Variants in CUX1 observed in about 807,000 individuals in gnomAD.
CUX1 encodes cut like homeobox 1.
CUX1 carries 31 observed loss-of-function variants against 158.8 expected under a neutral mutation model. That is an observed-to-expected ratio of 0.20 (90% CI 0.15 to 0.26). The LOEUF is 0.26. Ranked by LOEUF, CUX1 falls within the 10% of genes least tolerant of loss-of-function variation. The pLI, the probability that CUX1 is intolerant of heterozygous loss-of-function variation, is 1.00. For missense variants in CUX1, 1,589 were observed against 2,014.6 expected (o/e 0.79, Z 4.04); for synonymous variants, 879 against 862.1 (o/e 1.02, Z -0.34).
In CUX1 at chr7:102,201,155, G is replaced by A. The variant is rs1383555151; in HGVS notation, c.2063-205G>A. Among the ~76,000 whole-genome samples, 1 of 151,754 alleles carries A rather than the reference G, an allele frequency of 6.6e-6. No individual in the cohort carries two copies. The highest frequency in any genetic ancestry group is 2.4e-5 in the African/African-American group (1 of 41,244). On this transcript the variant is annotated intron_variant, in intron 17 of 23. Coordinates refer to ENST00000292535, the MANE Select transcript of CUX1 (RefSeq NM_181552.4). This position sits in a 1 kb window ranked among gnomAD's most constrained non-coding sequence, Gnocchi z 5.0. ...CTGTGTGTATACCAAAGGCCACCAG[G>A]TCATCAAGCTGTAGTGTCAGGCCCT...
At chr7:102,185,995 A>T (rs1450785431) in intron 11 of CUX1, among the ~76,000 whole-genome samples, 3 of 152,212 alleles carry the variant, frequency 2.0e-5, no homozygotes, top group Non-Finnish European at 4.4e-5. Context: ...CCACGCGGCC[A>T]GCGGTAGCGT....
At chr7:102,047,923 G>A (rs1441278371) in intron 3 of CUX1, among the ~76,000 whole-genome samples, 2 of 152,150 alleles carry the variant, frequency 1.3e-5, no homozygotes, top group Admixed American at 1.3e-4. Flanking sequence ...GGGAGCATAG[G>A]ATGCAGTTTG....
intron 2 of CUX1, among the ~76,000 whole-genome samples, chr7:101,972,708 C>G (rs1010842307): frequency 7.2e-5 from 11 of 152,190 alleles, no homozygotes; most frequent in African/African-American, 2.7e-4. Context: ...GGGAAGGACT[C>G]CGGCCCCAAT....
chr7:101,883,256 C>T (rs1301554641), intron 1 of CUX1, among the ~76,000 whole-genome samples: 1 of 152,220 alleles, frequency 6.6e-6, no homozygotes, highest in Non-Finnish European at 1.5e-5. Flanking sequence ...GTTCGTCACA[C>T]AGTCCGAATG....
At chr7:102,207,115 GGAATGTAAAT>G (rs1403171025) in intron 20 of CUX1, among the ~76,000 whole-genome samples, 3 of 152,126 alleles carry the variant, frequency 2.0e-5, no homozygotes, top group Admixed American at 6.6e-5. Context: ...GCTCCTAAGA[GGAATGTAAAT>G]GATATTTGTA....
At chr7:102,090,304 G>A (rs1029892014) in intron 4 of CUX1, among the ~76,000 whole-genome samples, 3 of 151,474 alleles carry the variant, frequency 2.0e-5, no homozygotes, top group Admixed American at 6.6e-5. Context: ...TATTCAGCTT[G>A]TACTAATTAT....
intron 6 of CUX1, 110 bp downstream of exon 6, chr7:102,104,569 C>T (rs782222022): frequency 4.2e-5 from 60 of 1,418,618 alleles, no homozygotes; most frequent in Admixed American, 6.2e-5. Flanking sequence ...GGTTGTAACC[C>T]CAAATCTATA....
intron 20 of CUX1, among the ~76,000 whole-genome samples, chr7:102,216,717 C>T (rs1430559592): frequency 2.7e-5 from 4 of 145,628 alleles, no homozygotes; most frequent in African/African-American, 1.0e-4. Context: ...ACTCTCCACA[C>T]ACACATGCAC....
chr7:102,020,594 T>C lies in CUX1; in HGVS notation c.142-7504T>C, dbSNP rs371330248. The stretch of plus-strand genomic sequence containing the variant: ...GCTACCAGGACCTTATAAAAAGACA[T>C]TGGGGTCAGGCGTGGTGGCTCACGC... On this transcript the variant is annotated intron_variant, in intron 2 of 23. Transcript: ENST00000292535. Among the ~76,000 whole-genome samples the C allele has an allele frequency of 2.0e-4, 31 of 152,244 alleles. 2 individuals are homozygous for C. The South Asian group carries it at 5.8e-3, about 29-fold the overall frequency.
chr7:102,039,528 A>C (rs1298906090), intron 3 of CUX1, among the ~76,000 whole-genome samples: 2 of 151,846 alleles, frequency 1.3e-5, no homozygotes, highest in Non-Finnish European at 2.9e-5. Flanking sequence ...GGTATCATAC[A>C]CCTGTAGTCC....
rs571465775 is a variant in CUX1, at chr7:102,021,707, A to T, written c.142-6391A>T. On this transcript the variant is annotated intron_variant, in intron 2 of 23. Transcript: ENST00000292535. ...TGAGTAGCTGGGATTATAGGCATGC[A>T]CCACCATGCCCACCTAATTTCGTAT... 4.9e-5 allele frequency among the ~76,000 whole-genome samples: 7 copies of T among 143,490 alleles called. No individual in the cohort carries two copies. In the South Asian group the frequency reaches 1.5e-3, roughly 31 times the overall value. The allele number at this position is 143,490 out of a possible 152,430, so 94.1% of individuals were successfully genotyped here. A position where few individuals can be genotyped will look rare whatever the true frequency, so the allele number is the denominator to read the frequency against.
intron 20 of CUX1, among the ~76,000 whole-genome samples, chr7:102,211,867 A>G (rs1381180729): frequency 1.3e-5 from 2 of 151,476 alleles, no homozygotes; most frequent in Non-Finnish European, 2.9e-5. Flanking sequence ...GAACCCTTCC[A>G]GAGGCAGGTG....
At chr7:102,234,276 C>A in intron 22 of CUX1, 36 bp downstream of exon 22, 1 of 1,468,396 alleles carries the variant, frequency 6.8e-7, no homozygotes, top group Non-Finnish European at 9.0e-7. Flanking sequence ...CGGCTGCGTC[C>A]GCATTCATAG....
chr7:102,102,076 A>G (rs1829838148), intron 5 of CUX1, among the ~76,000 whole-genome samples: 1 of 152,028 alleles, frequency 6.6e-6, no homozygotes, highest in Admixed American at 6.6e-5. Flanking sequence ...GGCTTGAGAG[A>G]GACGTATCAC....
rs1798283555 is a variant in CUX1 at position 101,869,739 on chromosome 7, G to A, written c.31-46376G>A. On this transcript the variant is annotated intron_variant, in intron 1 of 23. Coordinates refer to ENST00000292535, the MANE Select transcript of CUX1 (RefSeq NM_181552.4). This position sits in a 1 kb window ranked among gnomAD's most constrained non-coding sequence, Gnocchi z 4.5. ...GCAGGTGGGCGGGAGCTCACAGGCT[G>A]CAGAGGAAGCGCAGGGGAGGCGCAG... 6.6e-6 allele frequency among the ~76,000 whole-genome samples: 1 copy of A among 152,196 alleles called. No homozygotes were observed. Among genetic ancestry groups the A allele is most frequent in the African/African-American group, 2.4e-5 (1 of 41,422 alleles).
At chr7:102,094,965 G>A (rs1170568139) in intron 4 of CUX1, among the ~76,000 whole-genome samples, 3 of 151,862 alleles carry the variant, frequency 2.0e-5, no homozygotes, top group African/African-American at 4.8e-5. Context: ...GTGTTATCAC[G>A]ACTCCTGCTT....
At chr7:101,918,007 G>T (rs1326301647) in intron 2 of CUX1, among the ~76,000 whole-genome samples, 6 of 152,140 alleles carry the variant, frequency 3.9e-5, no homozygotes, top group Non-Finnish European at 5.9e-5. Context: ...ACGTTTTGTG[G>T]TTAAAAACAA....
intron 10 of CUX1, among the ~76,000 whole-genome samples, chr7:102,174,534 C>T (rs1045660395): frequency 2.6e-5 from 4 of 152,202 alleles, no homozygotes; most frequent in Admixed American, 2.0e-4. Context: ...TCATCCAGGC[C>T]CCCTGGATCG....
intron 8 of CUX1, among the ~76,000 whole-genome samples, chr7:102,134,020 C>A (rs1239729036): frequency 2.6e-5 from 4 of 152,110 alleles, no homozygotes; most frequent in Non-Finnish European, 5.9e-5. Flanking sequence ...AACAGTTGTT[C>A]CTGTATCACA....
Sources: gnomAD v4.1 joint callset for allele counts (sites outside exome capture counted in the v4.1 genomes callset) on GRCh38, gnomAD v4.1.1 for gene constraint, Gnocchi (gnomAD v3.1) non-coding constraint, MANE v1.5 for transcripts, NCBI Gene and HGNC (gene_info 2026-07-23, HGNC 2026-07-21) for gene names.